CNGB1: variants seen among roughly 807,000 people sequenced by gnomAD.
The protein encoded by CNGB1 is cyclic nucleotide gated channel subunit beta 1, also known as cyclic nucleotide-gated channel beta-1.
In CNGB1, 126 loss-of-function variants were observed where a neutral mutation model predicts 151.7. The observed-to-expected ratio is 0.83, with a 90% CI of 0.72 to 0.96. The LOEUF (loss-of-function observed/expected upper bound fraction) is 0.96, where lower values mean the gene tolerates loss of function less well. CNGB1 is among the 40% of genes least tolerant of loss of function. The probability of loss-of-function intolerance (pLI) is 0.00; values close to 1 mark genes in which losing one functional copy is unlikely to be tolerated. For synonymous variants in CNGB1, 623 were observed against 635.1 expected, an observed-to-expected ratio of 0.98 and a Z score of 0.29; for missense variants, 1,698 against 1,627.0, an observed-to-expected ratio of 1.04 and a Z score of -0.75.
chr16:57,967,642 G>C (rs1962433874), intron 1 of CNGB1, among the ~76,000 whole-genome samples: 1 of 151,992 alleles, frequency 6.6e-6, no homozygotes, highest in Non-Finnish European at 1.5e-5. Context: ...GCAGCAGTGG[G>C]TCATGATGCA....
At chr16:57,969,319 C>T (rs181355467) in intron 1 of CNGB1, among the ~76,000 whole-genome samples, 11 of 151,056 alleles carry the variant, frequency 7.3e-5, no homozygotes, top group Non-Finnish European at 1.5e-4. Flanking sequence ...CAAAAACAAA[C>T]AGACAAACAA....
chr16:57,964,071 G>C, intron 4 of CNGB1, 59 bp downstream of exon 4: 1 of 1,529,564 alleles, frequency 6.5e-7, no homozygotes, highest in South Asian at 1.1e-5. Context: ...GGGCTCCCTA[G>C]CTGGGAGGGT....
intron 18 of CNGB1, among the ~76,000 whole-genome samples, chr16:57,922,589 C>T (rs1006784999): frequency 4.0e-5 from 6 of 151,676 alleles, no homozygotes; most frequent in Admixed American, 6.6e-5. Context: ...CCACCACGCC[C>T]GGCTAATTTT....
intron 25 of CNGB1, among the ~76,000 whole-genome samples, chr16:57,905,338 C>CT (rs1212595043): frequency 6.6e-6 from 1 of 151,168 alleles, no homozygotes; most frequent in African/African-American, 2.4e-5. Context: ...TGACCCGCCC[C>CT]TACCCGGCCC....
At chr16:57,889,560 C>A (rs1365561269) in intron 31 of CNGB1, among the ~76,000 whole-genome samples, 1 of 152,248 alleles carries the variant, frequency 6.6e-6, no homozygotes, top group East Asian at 1.9e-4. Context: ...CATGTCCGGA[C>A]TTCTAACCCA....
At chr16:57,945,877 G>T (rs75363167) in intron 14 of CNGB1, among the ~76,000 whole-genome samples, 10,994 of 152,298 alleles carry the variant, frequency 0.072, 546 homozygotes, top group South Asian at 0.11. Flanking sequence ...AGGAGGCGGT[G>T]ATCTGCAGGG....
In CNGB1 at chr16:57,943,853, C is replaced by T. The variant is rs181788080; in HGVS notation, c.1122-3532G>A. Among the ~76,000 whole-genome samples the T allele has an allele frequency of 6.3e-3, 959 of 151,992 alleles. 7 individuals carry two copies. Among genetic ancestry groups the T allele is most frequent in the Non-Finnish European group, 9.4e-3 (639 of 67,968 alleles). ...AGATCCAAGGGAAATGAAAACAGTA[C>T]GTTGAAGAGGTGTCTGCACTCCCAT... On this transcript the variant is annotated intron_variant, in intron 14 of 32. Transcript: ENST00000251102.
intron 16 of CNGB1, among the ~76,000 whole-genome samples, chr16:57,932,455 T>G (rs1416364939): frequency 6.7e-6 from 1 of 148,276 alleles, no homozygotes; most frequent in Non-Finnish European, 1.5e-5. Context: ...CAGGCTGGAG[T>G]GCAGTGGTGC....
At chr16:57,928,034 T>C (rs1032202289) in intron 17 of CNGB1, among the ~76,000 whole-genome samples, 5 of 152,236 alleles carry the variant, frequency 3.3e-5, no homozygotes, top group African/African-American at 9.6e-5. Context: ...CAGGAGCTCA[T>C]GGATGAGAGC....
rs758922488 is a variant in CNGB1 at position 57,903,960 on chromosome 16, C to T, written c.2656G>A (p.Ala886Thr). ...CGGTAGTAGGTCTGTCCGGCGGTGG[C>T]GGCCCCTACCACATCTCTCATCTGG... ...IGQMRDVVGA[A>T]TAGQTYYRSC... The change falls in exon 27 of 33, where the codon GCC (alanine) becomes ACC (threonine). Residue 886 changes from alanine to threonine, a missense_variant. Ala to Thr is a moderately conservative substitution (Grantham distance 58). Transcript: ENST00000251102. The T allele has an allele frequency of 5.7e-5, 92 of 1,613,736 alleles. No individual in the cohort carries two copies. The highest frequency in any genetic ancestry group is 3.2e-4 in the Admixed American group (19 of 59,986).
chr16:57,950,660 C>A, intron 12 of CNGB1, 120 bp from the exon 13 acceptor site: 1 of 1,014,106 alleles, frequency 9.9e-7, no homozygotes, highest in Non-Finnish European at 1.5e-6. Context: ...AGTGCTTAGT[C>A]ATGCAGTGGG....
Position 57,962,880 on chromosome 16 carries a change from G to GGACA in CNGB1, c.382-12_382-9dup, listed in dbSNP as rs748831057. 54 of 1,612,428 alleles carry GGACA rather than the reference G, an allele frequency of 3.3e-5. No individual in the cohort carries two copies. The highest frequency in any genetic ancestry group is 1.3e-4 in the Admixed American group (8 of 59,996). Reference sequence around the variant, plus strand: ...GCTGCCATGCCCCAGGATCTGCCAGGGACAGACAGACAGACATGGGCAGGG... The same window carrying GGACA: ...GCTGCCATGCCCCAGGATCTGCCAGGGACAGACAGACAGACAGACATGGGCAGGG... On this transcript the variant is annotated splice_polypyrimidine_tract_variant and intron_variant, in intron 5 of 32. Transcript: ENST00000251102.
intron 29 of CNGB1, among the ~76,000 whole-genome samples, chr16:57,900,666 G>A (rs1446084401): frequency 6.6e-6 from 1 of 152,054 alleles, no homozygotes; most frequent in Non-Finnish European, 1.5e-5. Context: ...GAGTGGTGGG[G>A]GCTGTGGCAT....
At chr16:57,963,513 G>A (rs1761875837) in intron 4 of CNGB1, among the ~76,000 whole-genome samples, 1 of 152,184 alleles carries the variant, frequency 6.6e-6, no homozygotes, top group South Asian at 2.1e-4. Context: ...GTAATGCTGT[G>A]GCACAGGCTG....
At chr16:57,932,768 G>A (rs960848853) in intron 16 of CNGB1, among the ~76,000 whole-genome samples, 1 of 152,122 alleles carries the variant, frequency 6.6e-6, no homozygotes, top group Admixed American at 6.5e-5. Context: ...TTTTAGTAGA[G>A]ACCGGGTTTC....
chr16:57,883,816 G>T lies in CNGB1; in HGVS notation c.*348C>A, dbSNP rs1489961913. The T allele has an allele frequency of 2.4e-6, 1 of 411,324 alleles. No individual in the cohort carries two copies. The highest frequency in any genetic ancestry group is 4.5e-6 in the Non-Finnish European group (1 of 224,174). The allele number at this position is 411,324 out of a possible 1,614,324, so 25.5% of individuals were successfully genotyped here. The stretch of plus-strand genomic sequence containing the variant: ...TTACTTTTTCAGCAAAGCTTCCCAT[G>T]TATTGGAGCCTCATTTTATCCCTCA... On this transcript the variant is annotated 3_prime_UTR_variant, in exon 33 of 33. Coordinates refer to ENST00000251102, the MANE Select transcript of CNGB1 (RefSeq NM_001297.5).
At chr16:57,910,346 C>A (rs1306090549) in intron 25 of CNGB1, among the ~76,000 whole-genome samples, 3 of 152,120 alleles carry the variant, frequency 2.0e-5, no homozygotes, top group South Asian at 2.1e-4. Context: ...CTCTTTCAAC[C>A]AATTGCCAAG....
intron 16 of CNGB1, among the ~76,000 whole-genome samples, chr16:57,934,209 CT>C (rs1344350799): frequency 1.3e-5 from 2 of 152,106 alleles, no homozygotes; most frequent in African/African-American, 4.8e-5. Flanking sequence ...AATCCCAGCA[CT>C]TTGGAAGGCT....
At chr16:57,957,297 C>A (rs774575702) in intron 12 of CNGB1, 44 bp downstream of exon 12, 1 of 1,592,472 alleles carries the variant, frequency 6.3e-7, no homozygotes, top group Non-Finnish European at 8.6e-7. Context: ...CACCAAGCAA[C>A]CCTTCCTAAT....
Sources: gnomAD v4.1 joint callset for allele counts (sites outside exome capture counted in the v4.1 genomes callset) on GRCh38, gnomAD v4.1.1 for gene constraint, MANE v1.5 for transcripts, NCBI Gene and HGNC (gene_info 2026-07-23, HGNC 2026-07-21) for gene names.